The following DIABLO variants were observed in gnomAD, a reference collection of about 807,000 sequenced individuals.
DIABLO encodes the protein diablo homolog, mitochondrial.
A neutral mutation model predicts 31.7 loss-of-function variants in DIABLO; 32 were observed. The ratio of observed to expected loss-of-function variants is 1.01; its 90% confidence interval spans 0.76 to 1.35. The LOEUF (loss-of-function observed/expected upper bound fraction) is 1.35. Ranked by LOEUF, DIABLO falls within the 40% of genes most tolerant of loss-of-function variation. DIABLO has a pLI of 0.00. For missense variants in DIABLO, 316 were observed against 286.4 expected (o/e 1.10, Z -0.75); for synonymous variants, 132 against 103.2 (o/e 1.28, Z -1.69).
chr12:122,225,943 C>A, intron 1 of DIABLO, 22 bp downstream of exon 1: 1 of 1,581,504 alleles, frequency 6.3e-7, no homozygotes, highest in South Asian at 1.2e-5. Context: ...GTCCTGTCCC[C>A]TCTACGCGGC....
At chr12:122,208,894 C>T (rs1247486294) in intron 5 of DIABLO, 3 of 419,508 alleles carry the variant, frequency 7.2e-6, no homozygotes, top group Non-Finnish European at 1.4e-5. Flanking sequence ...TTTAACTACA[C>T]ATCTTCCATT....
chr12:122,216,818 T>C lies in DIABLO; in HGVS notation c.367A>G (p.Lys123Glu). The C allele has an allele frequency of 1.2e-6, 2 of 1,614,212 alleles. No homozygotes were observed. The highest frequency in any genetic ancestry group is 1.7e-6 in the Non-Finnish European group (2 of 1,180,040). Reference sequence around the variant, plus strand: ...TCATCTTCCTCCTCTGAATTCATTTTCCCAAGTAAACTTGTATATTGTCGG... The same window carrying C: ...TCATCTTCCTCCTCTGAATTCATTTCCCCAAGTAAACTTGTATATTGTCGG... ...LYRQYTSLLG[K>E]MNSEEEDEVW... The change falls in exon 4 of 6, where the codon AAA (lysine) becomes GAA (glutamate). Residue 123 changes from lysine to glutamate, a missense_variant. Lys to Glu is a moderately conservative substitution (Grantham distance 56). Coordinates refer to ENST00000464942, the MANE Select transcript of DIABLO (RefSeq NM_001371333.1).
chr12:122,218,799 G>A (rs1411844362), intron 2 of DIABLO: 4 of 283,542 alleles, frequency 1.4e-5, no homozygotes, highest in African/African-American at 9.2e-5. Flanking sequence ...AAAATTAGCT[G>A]GGCCGTAGTG....
At chr12:122,226,292 G>A (rs763815864), upstream of DIABLO, 20 of 679,990 alleles carry the variant, frequency 2.9e-5, no homozygotes, top group Admixed American at 6.4e-5. Context: ...GCTGAGTCGG[G>A]CGCCGTGACG....
chr12:122,211,768 A>G (rs1954094016), intron 5 of DIABLO, among the ~76,000 whole-genome samples: 1 of 152,172 alleles, frequency 6.6e-6, no homozygotes, highest in Non-Finnish European at 1.5e-5. Context: ...CAGAAAATTG[A>G]GTATTACACA....
At chr12:122,219,860 T>C (rs11061609) in intron 2 of DIABLO, among the ~76,000 whole-genome samples, 68,759 of 147,326 alleles carry the variant, frequency 0.47, 18,916 homozygotes, top group African/African-American at 0.76. Context: ...GCAAGACTCT[T>C]TCGCCAAAAA....
At chr12:122,226,558 C>T (rs1006410216), upstream of DIABLO, 10 of 698,150 alleles carry the variant, frequency 1.4e-5, no homozygotes, top group Non-Finnish European at 2.3e-5. Flanking sequence ...GTGGACGAGG[C>T]CGGCATCGCG....
intron 5 of DIABLO, among the ~76,000 whole-genome samples, chr12:122,214,151 T>C (rs953634916): frequency 1.3e-5 from 2 of 152,186 alleles, no homozygotes; most frequent in East Asian, 3.8e-4. Flanking sequence ...TTTTTTGTTT[T>C]TCAGTATGAT....
At chr12:122,212,986 T>A (rs1236351147) in intron 5 of DIABLO, among the ~76,000 whole-genome samples, 1 of 151,830 alleles carries the variant, frequency 6.6e-6, no homozygotes, top group African/African-American at 2.4e-5. Flanking sequence ...ACTGGCCTGA[T>A]CATGGCTCAC....
rs1013557720 is a variant in DIABLO, at chr12:122,207,743, C to T, written c.*638G>A. On this transcript the variant is annotated 3_prime_UTR_variant, in exon 6 of 6. Coordinates refer to ENST00000464942, the MANE Select transcript of DIABLO (RefSeq NM_001371333.1). ...TTCTCCTTTGGATACAATAGAGAAA[C>T]GGAAAGAAAGGAAGGAACAAGAGGC... 9 of 493,182 alleles carry T rather than the reference C, an allele frequency of 1.8e-5. No homozygotes were observed. Among genetic ancestry groups the T allele is most frequent in the East Asian group, 5.9e-5 (1 of 17,042 alleles). The allele number at this position is 493,182 out of a possible 1,614,324, so 30.6% of individuals were successfully genotyped here. A position where few individuals can be genotyped will look rare whatever the true frequency, so the allele number is the denominator to read the frequency against.
At chr12:122,226,560 G>C (rs1016572509), upstream of DIABLO, 4 of 697,928 alleles carry the variant, frequency 5.7e-6, no homozygotes, top group African/African-American at 3.5e-5. Context: ...GGACGAGGCC[G>C]GCATCGCGCT....
chr12:122,224,832 G>C (rs1219557448), intron 1 of DIABLO, 188 bp from the exon 2 acceptor site: 1 of 1,510,438 alleles, frequency 6.6e-7, no homozygotes, highest in Non-Finnish European at 8.8e-7. Flanking sequence ...GCAGGGTGTT[G>C]GTGGCTCACG....
At chr12:122,218,587 G>C in intron 2 of DIABLO, 190 bp from the exon 3 acceptor site, 1 of 651,628 alleles carries the variant, frequency 1.5e-6, no homozygotes. Flanking sequence ...AATAATTCCG[G>C]AGTATGCTTT....
At chr12:122,214,952 T>G (rs940860097) in intron 5 of DIABLO, among the ~76,000 whole-genome samples, 4 of 152,100 alleles carry the variant, frequency 2.6e-5, no homozygotes, top group South Asian at 2.1e-4. Context: ...TGATCCGCCC[T>G]CCTTGGCCCC....
chr12:122,208,365 C>CA lies in DIABLO; in HGVS notation c.*15dup. ...TTCCCCACTGAGTGGGGAGACAGGG[C>CA]AGTGTGCTCAGGCCCTCAATCCTCA... On this transcript the variant is annotated 3_prime_UTR_variant, in exon 6 of 6. Transcript: ENST00000464942. 2 of 1,611,132 alleles carry CA rather than the reference C, an allele frequency of 1.2e-6. No homozygotes were observed. The highest frequency in any genetic ancestry group is 1.7e-6 in the Non-Finnish European group (2 of 1,179,948).
chr12:122,213,672 C>G (rs1279166155), intron 5 of DIABLO, among the ~76,000 whole-genome samples: 1 of 152,114 alleles, frequency 6.6e-6, no homozygotes, highest in Non-Finnish European at 1.5e-5. Context: ...GTTCACTGCA[C>G]CTAGAAATCC....
At chr12:122,224,426 T>C (rs568295843) in intron 2 of DIABLO, 86 bp downstream of exon 2, 3 of 1,607,270 alleles carry the variant, frequency 1.9e-6, no homozygotes, top group East Asian at 2.2e-5. Context: ...GGAAAAACTA[T>C]GGTAGCTTGT....
Position 122,208,481 on chromosome 12 carries a change from T to C in DIABLO, c.620A>G (p.Lys207Arg), listed in dbSNP as rs534795428. The change falls in exon 6 of 6, where the codon AAG becomes AGG. Residue 207 changes from lysine to arginine, a missense_variant. Physicochemically the swap from Lys to Arg is conservative, Grantham distance 26 (BLOSUM62 2). Coordinates refer to ENST00000464942, the MANE Select transcript of DIABLO (RefSeq NM_001371333.1). Reference sequence around the variant, plus strand: ...CTCTTCTATCTGTGCTTCTGCCAGCTTGGTTTCTGCTTTCCGGGAGAGCTG... The same window carrying C: ...CTCTTCTATCTGTGCTTCTGCCAGCCTGGTTTCTGCTTTCCGGGAGAGCTG... ...VHQLSRKAETKLAEAQIEELR... is the reference protein window; with the variant it reads ...VHQLSRKAETRLAEAQIEELR... 6.2e-7 allele frequency: 1 copy of C among 1,614,186 alleles called. No homozygotes were observed. The highest frequency in any genetic ancestry group is 2.2e-5 in the East Asian group (1 of 44,886).
chr12:122,216,678 T>C lies in DIABLO; in HGVS notation c.426+81A>G, dbSNP rs964638461. 7 of 1,548,282 alleles carry C rather than the reference T, an allele frequency of 4.5e-6. No individual in the cohort carries two copies. In the East Asian group the frequency reaches 1.3e-4, roughly 30 times the overall value. ...GTAGATTTAGAGAACACTGATTATA[T>C]TGATTAGACTTAATTCAATAATTTA... On this transcript the variant is annotated intron_variant, in intron 4 of 5. Coordinates refer to ENST00000464942, the MANE Select transcript of DIABLO (RefSeq NM_001371333.1).
Sources: gnomAD v4.1 joint callset for allele counts (sites outside exome capture counted in the v4.1 genomes callset) on GRCh38, gnomAD v4.1.1 for gene constraint, MANE v1.5 for transcripts, NCBI Gene and HGNC (gene_info 2026-07-23, HGNC 2026-07-21) for gene names.